GRHL1: variants seen among roughly 807,000 people sequenced by gnomAD.
The protein encoded by GRHL1 is grainyhead-like protein 1 homolog.
Under a neutral mutation model 75.7 loss-of-function variants are expected in GRHL1, and 38 were observed. That is an observed-to-expected ratio of 0.50 (90% CI 0.39 to 0.66). GRHL1 has a LOEUF of 0.66. GRHL1 is among the 30% of genes least tolerant of loss of function. The pLI, the probability that GRHL1 is intolerant of heterozygous loss-of-function variation, is 0.00. For missense variants in GRHL1, 589 were observed against 767.5 expected, an observed-to-expected ratio of 0.77 and a Z score of 2.75; for synonymous variants, 266 against 279.4, an observed-to-expected ratio of 0.95 and a Z score of 0.48.
intron 2 of GRHL1, among the ~76,000 whole-genome samples, chr2:9,958,212 C>G (rs375957304): frequency 1.4e-5 from 2 of 144,062 alleles, no homozygotes; most frequent in Admixed American, 7.1e-5. Flanking sequence ...GGGTCTTGCT[C>G]TATCGCCCAG....
Position 9,951,753 on chromosome 2 carries a change from GC to G in GRHL1, c.-79del. 5 of 1,335,408 alleles carry G rather than the reference GC, an allele frequency of 3.7e-6. No homozygotes were observed. In the African/African-American group the frequency reaches 6.2e-5, roughly 17 times the overall value. 82.7% of individuals were successfully genotyped at this position (1,335,408 alleles called of 1,614,324 possible). A position where few individuals can be genotyped will look rare whatever the true frequency, so the allele number is the denominator to read the frequency against. ...CCGCTCCGGACCCGCAGCCGCCGCC[GC>G]CGCCTCCTCCCCCCGGATCGGGTGT... On this transcript the variant is annotated 5_prime_UTR_variant, in exon 1 of 16. Coordinates refer to ENST00000324907, the MANE Select transcript of GRHL1 (RefSeq NM_198182.3). This position sits in a 1 kb window ranked among gnomAD's most constrained non-coding sequence, Gnocchi z 4.2.
chr2:9,962,538 G>C lies in GRHL1; in HGVS notation c.746+7G>C. On this transcript the variant is annotated splice_region_variant and intron_variant, in intron 5 of 15. Coordinates refer to ENST00000324907, the MANE Select transcript of GRHL1 (RefSeq NM_198182.3). ...TTTTTGACAGTGTTTCTGGGTAATAGATGTCTTTTAATTTGATTTTTAATT... is the reference window on the plus strand; with the variant it reads ...TTTTTGACAGTGTTTCTGGGTAATACATGTCTTTTAATTTGATTTTTAATT... 7.0e-7 allele frequency: 1 copy of C among 1,435,164 alleles called. No homozygotes were observed. The allele number at this position is 1,435,164 out of a possible 1,614,324, so 88.9% of individuals were successfully genotyped here.
At chr2:9,984,680 C>T (rs744034) in intron 8 of GRHL1, among the ~76,000 whole-genome samples, 17,081 of 152,158 alleles carry the variant, frequency 0.11, 976 homozygotes, top group Non-Finnish European at 0.12. Flanking sequence ...GGGTTCTCGC[C>T]GGCTTAGTGC....
chr2:9,952,633 G>C (rs1382904347), intron 1 of GRHL1, among the ~76,000 whole-genome samples: 1 of 152,200 alleles, frequency 6.6e-6, no homozygotes, highest in Non-Finnish European at 1.5e-5. Context: ...AGGCATGGGG[G>C]ATTAACTGGG....
rs371606872 is a variant in GRHL1, at chr2:10,000,721, A to C, written c.*14A>C. On this transcript the variant is annotated 3_prime_UTR_variant, in exon 16 of 16. Coordinates refer to ENST00000324907, the MANE Select transcript of GRHL1 (RefSeq NM_198182.3). The stretch of plus-strand genomic sequence containing the variant: ...ACGGAGATCTAAAGGCCTGCGGGCC[A>C]CAGCTCCCCAGGAGTTCAGTGCAGG... The C allele has an allele frequency of 1.2e-4, 176 of 1,409,430 alleles. 1 individual carries two copies. In the East Asian group the frequency reaches 1.8e-3, roughly 14 times the overall value. The allele number at this position is 1,409,430 out of a possible 1,614,324, so 87.3% of individuals were successfully genotyped here. A position where few individuals can be genotyped will look rare whatever the true frequency, so the allele number is the denominator to read the frequency against.
At chr2:9,956,010 A>C (rs1667007006) in intron 2 of GRHL1, among the ~76,000 whole-genome samples, 1 of 152,272 alleles carries the variant, frequency 6.6e-6, no homozygotes, top group African/African-American at 2.4e-5. Flanking sequence ...TTGTGTTGTC[A>C]TCAGTACCTG....
intron 4 of GRHL1, among the ~76,000 whole-genome samples, 179 bp from the exon 5 acceptor site, chr2:9,962,276 A>G (rs1667310597): frequency 6.6e-6 from 1 of 152,168 alleles, no homozygotes; most frequent in Non-Finnish European, 1.5e-5. Flanking sequence ...ATAAAAGTGG[A>G]TATTTTCTCT....
Position 9,998,979 on chromosome 2 carries a change from C to T in GRHL1, c.1692C>T (p.Tyr564=). 1.9e-6 allele frequency: 3 copies of T among 1,569,048 alleles called. No individual in the cohort carries two copies. The highest frequency in any genetic ancestry group is 1.4e-5 in the African/African-American group (1 of 72,528). The change falls in exon 15 of 16, where the codon TAC becomes TAT. Residue 564 remains tyrosine, a synonymous_variant. Coordinates refer to ENST00000324907, the MANE Select transcript of GRHL1 (RefSeq NM_198182.3). ...TCCTCTTTTAGATCTCAGACAAATA[C>T]GATGTTCCCCATGACAAGATTGGGA... ...KGLMEAISDK[Y]DVPHDKIGKI...
intron 1 of GRHL1, among the ~76,000 whole-genome samples, chr2:9,954,199 TA>T (rs1247460756): frequency 2.0e-5 from 3 of 152,172 alleles, no homozygotes; most frequent in East Asian, 1.9e-4. Flanking sequence ...CTATTTTTTT[TA>T]AAACTTTTTG....
chr2:9,965,445 T>C (rs1667452886), intron 8 of GRHL1, 64 bp downstream of exon 8: 1 of 867,592 alleles, frequency 1.2e-6, no homozygotes, highest in Non-Finnish European at 1.9e-6. Context: ...GTTTAATGAT[T>C]TGACAACTGA....
intron 14 of GRHL1, among the ~76,000 whole-genome samples, chr2:9,997,629 C>T (rs1459473391): frequency 6.6e-6 from 1 of 151,924 alleles, no homozygotes; most frequent in Non-Finnish European, 1.5e-5. Flanking sequence ...CGAGACCAGC[C>T]TGGCCAACAT....
At chr2:9,956,347 A>C (rs1215279834) in intron 2 of GRHL1, among the ~76,000 whole-genome samples, 1 of 152,116 alleles carries the variant, frequency 6.6e-6, no homozygotes, top group Non-Finnish European at 1.5e-5. Flanking sequence ...GTCTCTACCA[A>C]AAATAAATAA....
intron 1 of GRHL1, chr2:9,953,186 C>G: frequency 2.4e-6 from 1 of 414,234 alleles, no homozygotes; most frequent in Admixed American, 2.8e-5. Flanking sequence ...AAAGCCATTT[C>G]TTTCTCTGTT....
intron 14 of GRHL1, among the ~76,000 whole-genome samples, chr2:9,996,891 G>C (rs1668883941): frequency 6.6e-6 from 1 of 152,168 alleles, no homozygotes; most frequent in Non-Finnish European, 1.5e-5. Flanking sequence ...GAGGATCTCA[G>C]CACGAGGCTG....
Position 9,992,033 on chromosome 2 carries a change from C to G in GRHL1, c.1348C>G (p.Pro450Ala). Residue 450 changes from proline (P) to alanine (A), a missense_variant, in exon 11 of 16, where the codon CCC becomes GCC. Pro to Ala is a conservative substitution (Grantham distance 27). Around this residue, in one of 5 missense-constraint regions of GRHL1, gnomAD observed 192 missense variants for 226.6 expected, o/e 0.85. Coordinates refer to ENST00000324907, the MANE Select transcript of GRHL1 (RefSeq NM_198182.3). The surrounding 1 kb of genome is among the most constrained non-coding windows in gnomAD (Gnocchi z 4.6). ...KVSDVKVPLL[P>A]SHKRMDITVF... ...TTCTGATGTTAAAGTGCCACTGCTT[C>G]CCTCTCACAAGCGAATGGATATCAC... is the stretch of plus-strand genomic sequence containing the variant. 1.2e-6 allele frequency: 2 copies of G among 1,606,838 alleles called. No homozygotes were observed. The highest frequency in any genetic ancestry group is 8.5e-7 in the Non-Finnish European group (1 of 1,175,914).
chr2:9,958,174 CTTTTTTTTTT>C (rs61051898), intron 2 of GRHL1, among the ~76,000 whole-genome samples: 12 of 130,762 alleles, frequency 9.2e-5, no homozygotes, highest in African/African-American at 3.5e-4. Context: ...TTCTTTTTTT[CTTTTTTTTTT>C]TTTTTTTGAG....
At position 9,961,388 on chromosome 2, in the gene GRHL1, A is replaced by G. The variant is rs754892625; in HGVS notation, c.621A>G (p.Arg207=). 18 of 1,614,112 alleles carry G rather than the reference A, an allele frequency of 1.1e-5. No homozygotes were observed. Among genetic ancestry groups the G allele is most frequent in the Non-Finnish European group, 1.5e-5 (18 of 1,179,958 alleles). The part of the protein sequence containing the change: ...SGAQAPNAQR[R]TPDSTFSETF... ...CTCAAGCCCCAAATGCTCAAAGGCG[A>G]ACTCCAGACTCGACCTTCTCAGAGA... The change falls in exon 4 of 16, where the codon CGA becomes CGG. Residue 207 remains arginine, a synonymous_variant. Coordinates refer to ENST00000324907, the MANE Select transcript of GRHL1 (RefSeq NM_198182.3).
At position 9,951,866 on chromosome 2, in the gene GRHL1, C is replaced by A. The variant is rs775227092; in HGVS notation, c.20+13C>A. The stretch of plus-strand genomic sequence containing the variant: ...AGGAGTACGACAAGTGAGTGAGGCG[C>A]AGGAGTCCGGCCGCCGCGGGGGGGC... On this transcript the variant is annotated intron_variant, in intron 1 of 15. Transcript: ENST00000324907. This position sits in a 1 kb window ranked among gnomAD's most constrained non-coding sequence, Gnocchi z 4.2. 1.4e-6 allele frequency: 2 copies of A among 1,469,704 alleles called. No individual in the cohort carries two copies. Among genetic ancestry groups the A allele is most frequent in the Non-Finnish European group, 9.1e-7 (1 of 1,101,240 alleles). The allele number at this position is 1,469,704 out of a possible 1,614,324, so 91.0% of individuals were successfully genotyped here. A position where few individuals can be genotyped will look rare whatever the true frequency, so the allele number is the denominator to read the frequency against.
At position 9,987,249 on chromosome 2, in the gene GRHL1, A is replaced by T. The variant is rs1377887660; in HGVS notation, c.1269+967A>T. ...TGGCTTCCCAAAGTGCTGGGATTAC[A>T]GGTGTGAGCCACCATGCCTGGCCTA... On this transcript the variant is annotated intron_variant, in intron 9 of 15. Coordinates refer to ENST00000324907, the MANE Select transcript of GRHL1 (RefSeq NM_198182.3). This position sits in a 1 kb window ranked among gnomAD's most constrained non-coding sequence, Gnocchi z 4.2. Among the ~76,000 whole-genome samples the T allele has an allele frequency of 6.6e-6, 1 of 152,246 alleles. No homozygotes were observed. Among genetic ancestry groups the T allele is most frequent in the African/African-American group, 2.4e-5 (1 of 41,472 alleles).
Sources: gnomAD v4.1 joint callset for allele counts (sites outside exome capture counted in the v4.1 genomes callset) on GRCh38, gnomAD v4.1.1 for gene constraint, gnomAD v4.1.1 regional missense constraint, Gnocchi (gnomAD v3.1) non-coding constraint, MANE v1.5 for transcripts, NCBI Gene and HGNC (gene_info 2026-07-23, HGNC 2026-07-21) for gene names.